GOLM1: variants seen among roughly 807,000 people sequenced by gnomAD.
The protein encoded by GOLM1 is epididymis luminal protein 46.
In GOLM1, 31 loss-of-function variants were observed where a neutral mutation model predicts 50.5. That is an observed-to-expected ratio of 0.61 (90% CI 0.46 to 0.83). The LOEUF is 0.83. Among genes scored for constraint, GOLM1 ranks in the 40% least tolerant of loss-of-function variants. The pLI, the probability that GOLM1 is intolerant of heterozygous loss-of-function variation, is 0.00. For synonymous variants in GOLM1, 178 were observed against 192.8 expected (o/e 0.92, Z 0.64); for missense variants, 491 against 501.3 (o/e 0.98, Z 0.20).
At chr9:86,084,764 C>T (rs1431627915) in intron 1 of GOLM1, among the ~76,000 whole-genome samples, 2 of 152,102 alleles carry the variant, frequency 1.3e-5, no homozygotes, top group East Asian at 3.9e-4. Flanking sequence ...AAATTCCTTC[C>T]TTTCGCTGGG....
At chr9:86,049,945 T>C (rs7470039) in intron 4 of GOLM1, among the ~76,000 whole-genome samples, 46,446 of 152,048 alleles carry the variant, frequency 0.31, 9,843 homozygotes, top group African/African-American at 0.61. Context: ...GTCTTGTGCC[T>C]GTTTTCAAAG....
At chr9:86,039,883 G>A (rs1009911384) in intron 6 of GOLM1, among the ~76,000 whole-genome samples, 11 of 151,514 alleles carry the variant, frequency 7.3e-5, no homozygotes, top group African/African-American at 2.4e-4. Context: ...CAGGAGAATC[G>A]CTTGAACCTG....
At chr9:86,070,172 C>G (rs180868133) in intron 3 of GOLM1, among the ~76,000 whole-genome samples, 1 of 152,070 alleles carries the variant, frequency 6.6e-6, no homozygotes, top group Non-Finnish European at 1.5e-5. Context: ...CGTGAGCCAC[C>G]GTGTCCGACC....
intron 1 of GOLM1, among the ~76,000 whole-genome samples, chr9:86,086,129 A>G (rs1488822194): frequency 6.6e-6 from 1 of 152,176 alleles, no homozygotes; most frequent in Non-Finnish European, 1.5e-5. Context: ...TCTCTCCAGC[A>G]TCTGTGGTTT....
chr9:86,083,982 G>A (rs1205165433), intron 1 of GOLM1, among the ~76,000 whole-genome samples: 5 of 152,178 alleles, frequency 3.3e-5, no homozygotes, highest in Admixed American at 3.3e-4. Flanking sequence ...AGCATGCGGT[G>A]CTGTCCTAGA....
In GOLM1 at chr9:86,047,068, C is replaced by T. The variant is rs139674354; in HGVS notation, c.365-496G>A. On this transcript the variant is annotated intron_variant, in intron 4 of 9. Coordinates refer to ENST00000388712, the MANE Select transcript of GOLM1 (RefSeq NM_016548.4). ...CAGGCTACCTGCCAGCATCCTCCCT[C>T]GTCATTTATTCACAGCCAAGCCACT... Among the ~76,000 whole-genome samples the T allele has an allele frequency of 2.3e-4, 33 of 141,432 alleles. No individual in the cohort carries two copies. In the East Asian group the frequency reaches 0.012, roughly 53 times the overall value. 92.8% of individuals were successfully genotyped at this position (141,432 alleles called of 152,430 possible). A position where few individuals can be genotyped will look rare whatever the true frequency, so the allele number is the denominator to read the frequency against.
chr9:86,037,587 C>T (rs1215275191), intron 6 of GOLM1, among the ~76,000 whole-genome samples: 15 of 152,120 alleles, frequency 9.9e-5, no homozygotes, highest in Admixed American at 7.9e-4. Context: ...CTGTTCCTCA[C>T]GTGAGAAGCT....
intron 4 of GOLM1, among the ~76,000 whole-genome samples, 190 bp downstream of exon 4, chr9:86,052,347 T>C (rs1452950832): frequency 6.6e-6 from 1 of 152,314 alleles, no homozygotes; most frequent in Non-Finnish European, 1.5e-5. Context: ...TATTTGGCAA[T>C]ATTTTTTTTT....
rs897673496 is a variant in GOLM1 at position 86,027,007 on chromosome 9, C to T, written c.*810G>A. ...CCTTGCCTCTCACCATGCTCTGCTC[C>T]AGGTCAGCCCCCTTTTGGCCTGTTT... On this transcript the variant is annotated 3_prime_UTR_variant, in exon 10 of 10. Coordinates refer to ENST00000388712, the MANE Select transcript of GOLM1 (RefSeq NM_016548.4). The T allele has an allele frequency of 1.0e-6, 1 of 985,302 alleles. No individual in the cohort carries two copies. Among genetic ancestry groups the T allele is most frequent in the Non-Finnish European group, 1.2e-6 (1 of 829,956 alleles). The allele number at this position is 985,302 out of a possible 1,614,324, so 61.0% of individuals were successfully genotyped here.
chr9:86,076,347 G>T (rs1195631328), intron 3 of GOLM1, among the ~76,000 whole-genome samples: 1 of 135,844 alleles, frequency 7.4e-6, no homozygotes, highest in African/African-American at 2.9e-5. Context: ...CTTGAACCCG[G>T]GAAGCAGAGG....
At chr9:86,036,259 CACTG>C (rs1178614143) in intron 7 of GOLM1, 85 bp downstream of exon 7, 16 of 1,374,008 alleles carry the variant, frequency 1.2e-5, no homozygotes, top group Non-Finnish European at 1.7e-5. Context: ...CTGCCGGGTT[CACTG>C]ACTGCCTCAG....
chr9:86,095,538 G>A (rs954995348), intron 1 of GOLM1, among the ~76,000 whole-genome samples: 3 of 151,970 alleles, frequency 2.0e-5, no homozygotes, highest in East Asian at 1.9e-4. Context: ...ATGAGCCAAC[G>A]TGCCTGGCCA....
At position 86,027,786 on chromosome 9, in the gene GOLM1, C is replaced by T. The variant is rs1287926250; in HGVS notation, c.*31G>A. The T allele has an allele frequency of 1.9e-6, 3 of 1,607,258 alleles. No homozygotes were observed. Among genetic ancestry groups the T allele is most frequent in the East Asian group, 4.5e-5 (2 of 44,786 alleles). On this transcript the variant is annotated 3_prime_UTR_variant, in exon 10 of 10. Transcript: ENST00000388712. ...AACATTTTATAGTCATCTCTTCGGC[C>T]CTGTTGTGAAATATGTGATTCCAGT...
At chr9:86,068,122 A>G (rs1262822886) in intron 3 of GOLM1, among the ~76,000 whole-genome samples, 5 of 152,314 alleles carry the variant, frequency 3.3e-5, no homozygotes, top group South Asian at 4.1e-4. Context: ...TGGTGTTCTT[A>G]TAAGAGGAGG....
rs747537283 is a variant in GOLM1, at chr9:86,079,222, C to A, written c.99G>T (p.Trp33Cys). The A allele has an allele frequency of 6.2e-7, 1 of 1,605,764 alleles. No homozygotes were observed. The highest frequency in any genetic ancestry group is 1.1e-5 in the South Asian group (1 of 90,396). ...GGTCCACGCTCCGGGAGCTCGCAAT[C>A]CAGTAGTTGAAGCCCAAGACGATGA... The part of the protein sequence containing the change: ...ACIIVLGFNY[W>C]IASSRSVDLQ... The change falls in exon 2 of 10, where the codon TGG becomes TGT. Residue 33 changes from tryptophan (W) to cysteine (C), a missense_variant. Coordinates refer to ENST00000388712, the MANE Select transcript of GOLM1 (RefSeq NM_016548.4).
At chr9:86,095,233 TTTTC>T in intron 1 of GOLM1, among the ~76,000 whole-genome samples, 1 of 152,124 alleles carries the variant, frequency 6.6e-6, no homozygotes, top group South Asian at 2.1e-4. Flanking sequence ...TTTACATTTT[TTTTC>T]TTTTTTTTTG....
rs1328045975 is a variant in GOLM1, at chr9:86,027,077, T to C, written c.*740A>G. On this transcript the variant is annotated 3_prime_UTR_variant, in exon 10 of 10. Transcript: ENST00000388712. ...CTGCTTCTTGCTTTTCTTGGTAATATATATTTAGGGAAGATGTTGCTTTGC... is the reference window on the plus strand; with the variant it reads ...CTGCTTCTTGCTTTTCTTGGTAATACATATTTAGGGAAGATGTTGCTTTGC... 2 of 985,216 alleles carry C rather than the reference T, an allele frequency of 2.0e-6. No homozygotes were observed. Among genetic ancestry groups the C allele is most frequent in the East Asian group, 1.1e-4 (1 of 8,800 alleles). The allele number at this position is 985,216 out of a possible 1,614,324, so 61.0% of individuals were successfully genotyped here.
rs1833035442 is a variant in GOLM1, at chr9:86,033,215, T to G, written c.1129+67A>C. The stretch of plus-strand genomic sequence containing the variant: ...ATAATTTTGGGGATTCATTGGATAA[T>G]CACGGTGAAGGACCAGGAAAGAGAA... On this transcript the variant is annotated intron_variant, in intron 9 of 9. Transcript: ENST00000388712. 1.3e-5 allele frequency: 11 copies of G among 871,118 alleles called. No individual in the cohort carries two copies. The Middle Eastern group carries it at 6.6e-4, about 52-fold the overall frequency. The allele number at this position is 871,118 out of a possible 1,614,324, so 54.0% of individuals were successfully genotyped here. A position where few individuals can be genotyped will look rare whatever the true frequency, so the allele number is the denominator to read the frequency against.
At position 86,027,617 on chromosome 9, in the gene GOLM1, C is replaced by T. The variant is rs1832826361; in HGVS notation, c.*200G>A. On this transcript the variant is annotated 3_prime_UTR_variant, in exon 10 of 10. Transcript: ENST00000388712. The stretch of plus-strand genomic sequence containing the variant: ...AAAAATTGTGACACCTTATTAGACA[C>T]TTCCAAAGTACCCCCCAAAAGCTGT... 7.4e-7 allele frequency: 1 copy of T among 1,360,282 alleles called. No homozygotes were observed. Among genetic ancestry groups the T allele is most frequent in the South Asian group, 1.9e-5 (1 of 52,996 alleles). 84.3% of individuals were successfully genotyped at this position (1,360,282 alleles called of 1,614,324 possible). A position where few individuals can be genotyped will look rare whatever the true frequency, so the allele number is the denominator to read the frequency against.
Sources: allele counts gnomAD v4.1 joint callset (sites outside exome capture counted in the v4.1 genomes callset), GRCh38; gene constraint gnomAD v4.1.1; transcripts MANE v1.5; gene names NCBI Gene and HGNC (gene_info 2026-07-23, HGNC 2026-07-21).